Variants in TMEM135 observed in about 807,000 individuals in gnomAD.
The protein encoded by TMEM135 is transmembrane protein 135.
TMEM135 carries 30 observed loss-of-function variants against 60.3 expected under a neutral mutation model. The ratio of observed to expected loss-of-function variants is 0.50; its 90% confidence interval spans 0.37 to 0.68. TMEM135 has a LOEUF of 0.68. Ranked by LOEUF, TMEM135 falls within the 30% of genes least tolerant of loss-of-function variation. The probability of loss-of-function intolerance (pLI) is 0.00; values close to 1 mark genes in which losing one functional copy is unlikely to be tolerated. For missense variants in TMEM135, 468 were observed against 548.8 expected, an observed-to-expected ratio of 0.85 and a Z score of 1.47; for synonymous variants, 190 against 186.7, an observed-to-expected ratio of 1.02 and a Z score of -0.14.
chr11:87,324,464 C>T lies in TMEM135; in HGVS notation c.*3131C>T, dbSNP rs781333557. 1.8e-5 allele frequency: 8 copies of T among 453,756 alleles called. No homozygotes were observed. Among genetic ancestry groups the T allele is most frequent in the Admixed American group, 4.7e-5 (2 of 42,502 alleles). 28.1% of individuals were successfully genotyped at this position (453,756 alleles called of 1,614,324 possible). ...TGAGTTGAGGTCTAGCTCTGTTGCC[C>T]GGGTTGGAGTACAGTGGTGCAATCA... On this transcript the variant is annotated 3_prime_UTR_variant, in exon 15 of 15. Coordinates refer to ENST00000305494, the MANE Select transcript of TMEM135 (RefSeq NM_022918.4).
chr11:87,064,253 G>A (rs1856600886), intron 1 of TMEM135, among the ~76,000 whole-genome samples: 4 of 138,582 alleles, frequency 2.9e-5, no homozygotes, highest in Admixed American at 2.4e-4. Flanking sequence ...TTGGTCATGC[G>A]AATGACTCCT....
At chr11:87,234,061 C>T (rs892410946) in intron 5 of TMEM135, among the ~76,000 whole-genome samples, 5 of 151,950 alleles carry the variant, frequency 3.3e-5, no homozygotes, top group East Asian at 1.9e-4. Context: ...TAATAACAAA[C>T]ATATTTTGCA....
At chr11:87,072,063 T>C (rs538777428) in intron 3 of TMEM135, among the ~76,000 whole-genome samples, 2 of 152,114 alleles carry the variant, frequency 1.3e-5, no homozygotes, top group Non-Finnish European at 2.9e-5. Flanking sequence ...TGTGATGATG[T>C]ACTCTTGTAG....
chr11:87,185,658 A>C (rs1174762868), intron 5 of TMEM135, among the ~76,000 whole-genome samples: 1 of 152,200 alleles, frequency 6.6e-6, no homozygotes, highest in Non-Finnish European at 1.5e-5. Flanking sequence ...TTAGGCTTGC[A>C]AAATGGATAT....
intron 1 of TMEM135, among the ~76,000 whole-genome samples, chr11:87,057,367 C>T (rs1949903433): frequency 6.6e-6 from 1 of 152,096 alleles, no homozygotes; most frequent in Non-Finnish European, 1.5e-5. Flanking sequence ...TTGAAGATTG[C>T]TTGTATCTTC....
At chr11:87,112,029 T>G (rs1028743930) in intron 4 of TMEM135, among the ~76,000 whole-genome samples, 24 of 152,206 alleles carry the variant, frequency 1.6e-4, no homozygotes, top group Non-Finnish European at 3.1e-4. Flanking sequence ...TTTTAAATAG[T>G]GATACCAGGA....
intron 5 of TMEM135, among the ~76,000 whole-genome samples, chr11:87,195,365 CCTTCCTTCCTTCCTTCCTTCCTTCCT>C (rs1483792826): frequency 2.3e-4 from 29 of 124,840 alleles, no homozygotes; most frequent in South Asian, 2.8e-4. Flanking sequence ...TTCCTTCCTT[CCTTCCTTCCTTCCTTCCTTCCTTCCT>C]TCTCTCTCTC....
chr11:87,038,976 T>C (rs374447789), intron 1 of TMEM135, among the ~76,000 whole-genome samples: 3 of 152,204 alleles, frequency 2.0e-5, no homozygotes, highest in Admixed American at 6.5e-5. Context: ...AATCTTATCC[T>C]TGATATTAAA....
chr11:87,300,390 T>C (rs181527921), intron 7 of TMEM135, among the ~76,000 whole-genome samples: 1 of 152,344 alleles, frequency 6.6e-6, no homozygotes, highest in East Asian at 1.9e-4. Context: ...TTATTCATCA[T>C]AGTTTAAAAC....
chr11:87,268,803 T>C (rs1002307688), intron 6 of TMEM135, among the ~76,000 whole-genome samples: 3 of 152,068 alleles, frequency 2.0e-5, no homozygotes, highest in Non-Finnish European at 4.4e-5. Context: ...CGGTCAGAAG[T>C]GATTTATTTT....
At chr11:87,048,039 C>G (rs1229102406) in intron 1 of TMEM135, among the ~76,000 whole-genome samples, 1 of 65,674 alleles carries the variant, frequency 1.5e-5, no homozygotes, top group Non-Finnish European at 2.5e-5. Flanking sequence ...TGGGAGGCAC[C>G]CCCCAGCAGG....
At chr11:87,141,372 C>T (rs1430714317) in intron 4 of TMEM135, among the ~76,000 whole-genome samples, 1 of 151,946 alleles carries the variant, frequency 6.6e-6, no homozygotes, top group African/African-American at 2.4e-5. Flanking sequence ...TCTAAAATTT[C>T]ATTTTCTAGT....
chr11:87,212,181 G>C (rs1328636195), intron 5 of TMEM135, among the ~76,000 whole-genome samples: 1 of 151,990 alleles, frequency 6.6e-6, no homozygotes, highest in African/African-American at 2.4e-5. Context: ...CTGCATAAAA[G>C]TTTTGTTTTT....
intron 3 of TMEM135, among the ~76,000 whole-genome samples, chr11:87,083,881 A>G (rs974513342): frequency 6.6e-6 from 1 of 152,174 alleles, no homozygotes; most frequent in African/African-American, 2.4e-5. Context: ...ATTTCTTAAT[A>G]AGCCATTACA....
At chr11:87,084,395 T>A (rs1857053957) in intron 3 of TMEM135, among the ~76,000 whole-genome samples, 1 of 151,980 alleles carries the variant, frequency 6.6e-6, no homozygotes, top group Admixed American at 6.6e-5. Flanking sequence ...GCAGCCTTGA[T>A]CTCTTGGGCA....
chr11:87,312,637 TA>T (rs1286643948), intron 10 of TMEM135, among the ~76,000 whole-genome samples: 2 of 151,916 alleles, frequency 1.3e-5, no homozygotes, highest in Non-Finnish European at 2.9e-5. Context: ...TGCGTTTCAA[TA>T]AAACTTTATC....
intron 6 of TMEM135, among the ~76,000 whole-genome samples, chr11:87,239,622 C>T (rs1324020524): frequency 6.6e-6 from 1 of 151,942 alleles, no homozygotes; most frequent in Non-Finnish European, 1.5e-5. Flanking sequence ...TGGTAACCTC[C>T]TTTGAGAAGA....
chr11:87,242,313 C>T (rs1163438575), intron 6 of TMEM135, among the ~76,000 whole-genome samples: 1 of 151,838 alleles, frequency 6.6e-6, no homozygotes, highest in Non-Finnish European at 1.5e-5. Context: ...AATAAACATA[C>T]ACGTGCATGT....
Position 87,302,303 on chromosome 11 carries a change from G to T in TMEM135, c.559G>T (p.Val187Leu), listed in dbSNP as rs1156761740. ...GFTFSALRFI[V>L]GKEEIPTHSF... Reference sequence around the variant, plus strand: ...TTGTGCTCTTTTCTTTAGGTTCATTGTAGGGAAGGAAGAAATTCCCACACA... The same window carrying T: ...TTGTGCTCTTTTCTTTAGGTTCATTTTAGGGAAGGAAGAAATTCCCACACA... The change falls in exon 8 of 15, where the codon GTA (valine) becomes TTA (leucine). Residue 187 changes from valine (V) to leucine (L), a missense_variant. Physicochemically the swap from Val to Leu is conservative, Grantham distance 32 (BLOSUM62 1). Transcript: ENST00000305494. 6.2e-7 allele frequency: 1 copy of T among 1,612,582 alleles called. No individual in the cohort carries two copies. Among genetic ancestry groups the T allele is most frequent in the South Asian group, 1.1e-5 (1 of 91,006 alleles).
Sources: gnomAD v4.1 joint callset for allele counts (sites outside exome capture counted in the v4.1 genomes callset) on GRCh38, gnomAD v4.1.1 for gene constraint, MANE v1.5 for transcripts, NCBI Gene and HGNC (gene_info 2026-07-23, HGNC 2026-07-21) for gene names.